Variants in CLVS1 observed in about 807,000 individuals in gnomAD.
CLVS1 encodes clavesin 1, also known as clavesin-1.
CLVS1 carries 10 observed loss-of-function variants against 33.1 expected under a neutral mutation model. The ratio of observed to expected loss-of-function variants is 0.30; its 90% CI spans 0.19 to 0.51. The LOEUF (loss-of-function observed/expected upper bound fraction) is 0.51, where lower values mean the gene tolerates loss of function less well. CLVS1 is among the 20% of genes least tolerant of loss of function. The probability of loss-of-function intolerance (pLI) is 0.97; values close to 1 mark genes in which losing one functional copy is unlikely to be tolerated. For missense variants in CLVS1, 343 were observed against 433.4 expected, an observed-to-expected ratio of 0.79 and a Z score of 1.85; for synonymous variants, 163 against 166.1, an observed-to-expected ratio of 0.98 and a Z score of 0.14.
At chr8:61,230,275 C>G (rs187198203) in intron 2 of CLVS1, among the ~76,000 whole-genome samples, 6 of 152,078 alleles carry the variant, frequency 3.9e-5, no homozygotes, top group Non-Finnish European at 7.4e-5. Context: ...AATGTTAATA[C>G]GAACAGAGGG....
intron 3 of CLVS1, among the ~76,000 whole-genome samples, chr8:61,397,715 T>C (rs1476050303): frequency 6.6e-6 from 1 of 152,194 alleles, no homozygotes; most frequent in Non-Finnish European, 1.5e-5. Context: ...TTTATTCTTT[T>C]GCAGGAAGAT....
chr8:61,221,997 G>A (rs188319242), intron 2 of CLVS1, among the ~76,000 whole-genome samples: 40 of 152,146 alleles, frequency 2.6e-4, no homozygotes, highest in Non-Finnish European at 5.0e-4. Context: ...ACTCTCTGAT[G>A]GTAGTTTGTA....
chr8:61,206,832 C>T (rs900220916), intron 2 of CLVS1, among the ~76,000 whole-genome samples: 4 of 152,170 alleles, frequency 2.6e-5, no homozygotes, highest in Admixed American at 2.0e-4. Flanking sequence ...TGTGATCCAC[C>T]CGCCTCGGCC....
intron 2 of CLVS1, among the ~76,000 whole-genome samples, chr8:61,349,480 A>G (rs1318560154): frequency 6.6e-6 from 1 of 151,974 alleles, no homozygotes. Flanking sequence ...CTGCATGAAA[A>G]CCTGTGCTTG....
At chr8:61,207,556 C>T (rs1183512989) in intron 2 of CLVS1, among the ~76,000 whole-genome samples, 1 of 152,142 alleles carries the variant, frequency 6.6e-6, no homozygotes, top group African/African-American at 2.4e-5. Context: ...TTCTTGTGAC[C>T]AATATATATG....
intron 3 of CLVS1, among the ~76,000 whole-genome samples, chr8:61,389,996 T>A (rs1764841123): frequency 6.6e-6 from 1 of 152,172 alleles, no homozygotes; most frequent in South Asian, 2.1e-4. Context: ...CCTTTTAGAT[T>A]TCCCAAAATG....
At chr8:60,993,362 GCTCTAGCACCGGGCA>G in the CLVS1 span, among the ~76,000 whole-genome samples, 1 of 152,210 alleles carries the variant, frequency 6.6e-6, no homozygotes, top group Non-Finnish European at 1.5e-5. Flanking sequence ...GTGGAATTTG[GCTCTAGCACCGGGCA>G]CTCTAGAAGT....
intron 3 of CLVS1, among the ~76,000 whole-genome samples, chr8:61,443,242 C>T (rs112844967): frequency 1.2e-3 from 188 of 152,288 alleles, no homozygotes; most frequent in African/African-American, 4.1e-3. Context: ...TTTGCAGTAA[C>T]CAACTTATTG....
chr8:61,452,201 G>A (rs114627935), intron 3 of CLVS1, among the ~76,000 whole-genome samples: 8 of 152,288 alleles, frequency 5.3e-5, no homozygotes, highest in African/African-American at 7.2e-5. Flanking sequence ...GATGATTGAG[G>A]CTTCATAAAC....
At chr8:61,417,364 C>A (rs1379903879) in intron 3 of CLVS1, among the ~76,000 whole-genome samples, 1 of 152,142 alleles carries the variant, frequency 6.6e-6, no homozygotes, top group Admixed American at 6.6e-5. Context: ...TTCTCCCAGA[C>A]GTTTTTTTCT....
intron 2 of CLVS1, among the ~76,000 whole-genome samples, chr8:61,181,609 G>A (rs1278368756): frequency 5.3e-5 from 8 of 151,662 alleles, no homozygotes; most frequent in Non-Finnish European, 8.8e-5. Context: ...AACCAAAACA[G>A]CGTGGTACTG....
chr8:61,246,984 G>C (rs1808825603), intron 2 of CLVS1, among the ~76,000 whole-genome samples: 1 of 152,020 alleles, frequency 6.6e-6, no homozygotes, highest in African/African-American at 2.4e-5. Context: ...GCAGACCCCA[G>C]TGTCTGTTGT....
At chr8:61,066,548 G>T in intron 1 of CLVS1, among the ~76,000 whole-genome samples, 1 of 152,120 alleles carries the variant, frequency 6.6e-6, no homozygotes, top group Non-Finnish European at 1.5e-5. Context: ...CTATAAAATG[G>T]CTTTTCCGTT....
intron 1 of CLVS1, among the ~76,000 whole-genome samples, chr8:61,099,720 G>A (rs1400115814): frequency 6.6e-6 from 1 of 152,166 alleles, no homozygotes; most frequent in African/African-American, 2.4e-5. Flanking sequence ...TCTGTTGAAA[G>A]TTTATTGTGA....
chr8:61,376,185 CTCATTTGTTCAGCAATGAT>C (rs1351490798), intron 2 of CLVS1, among the ~76,000 whole-genome samples: 1 of 152,102 alleles, frequency 6.6e-6, no homozygotes, highest in Non-Finnish European at 1.5e-5. Context: ...GAGGCCTCAC[CTCATTTGTTCAGCAATGAT>C]TCATTGTACT....
At chr8:61,187,637 TGCCAGATA>T (rs1807368437) in intron 2 of CLVS1, among the ~76,000 whole-genome samples, 1 of 36,900 alleles carries the variant, frequency 2.7e-5, no homozygotes, top group African/African-American at 9.2e-5. Flanking sequence ...CTTTAGACTT[TGCCAGATA>T]TGCCAGATAT....
At chr8:61,135,868 A>G (rs1027318902) in intron 2 of CLVS1, among the ~76,000 whole-genome samples, 4 of 152,336 alleles carry the variant, frequency 2.6e-5, no homozygotes, top group African/African-American at 9.6e-5. Flanking sequence ...ACCATATGTT[A>G]AAAGATGAAG....
At chr8:61,475,064 G>A (rs928524055) in intron 5 of CLVS1, among the ~76,000 whole-genome samples, 5 of 152,134 alleles carry the variant, frequency 3.3e-5, no homozygotes, top group Non-Finnish European at 7.3e-5. Flanking sequence ...TTTTGTCCTT[G>A]TGATACTTTG....
the CLVS1 span, among the ~76,000 whole-genome samples, chr8:61,033,532 GA>G: frequency 2.0e-5 from 3 of 152,210 alleles, no homozygotes; most frequent in Admixed American, 6.5e-5. Flanking sequence ...GGTGAGGGGG[GA>G]AACCTGTCTC....
Sources: gnomAD v4.1 joint callset for allele counts (sites outside exome capture counted in the v4.1 genomes callset) on GRCh38, gnomAD v4.1.1 for gene constraint, MANE v1.5 for transcripts, NCBI Gene and HGNC (gene_info 2026-07-23, HGNC 2026-07-21) for gene names.